Variants in OPCML observed in about 807,000 individuals in gnomAD.
The protein encoded by OPCML is opioid-binding protein/cell adhesion molecule.
A neutral mutation model predicts 37.8 loss-of-function variants in OPCML; 13 were observed. The ratio of observed to expected loss-of-function variants is 0.34; its 90% CI spans 0.22 to 0.55. OPCML has a LOEUF of 0.55. Among genes scored for constraint, OPCML ranks in the 20% least tolerant of loss-of-function variants. The pLI, the probability that OPCML is intolerant of heterozygous loss-of-function variation, is 0.91. For synonymous variants in OPCML, 176 were observed against 168.8 expected (o/e 1.04, Z -0.33); for missense variants, 341 against 435.6 (o/e 0.78, Z 1.93).
At chr11:133,037,097 C>T (rs952850942) in intron 1 of OPCML, among the ~76,000 whole-genome samples, 1 of 152,066 alleles carries the variant, frequency 6.6e-6, no homozygotes, top group Non-Finnish European at 1.5e-5. Flanking sequence ...TATCCAGTCC[C>T]CTAGAAGAGG....
chr11:133,371,573 T>A (rs540568463), intron 1 of OPCML, among the ~76,000 whole-genome samples: 1 of 152,280 alleles, frequency 6.6e-6, no homozygotes, highest in Middle Eastern at 3.4e-3. Flanking sequence ...GATGGTTTCA[T>A]AAGTGGTAGT....
intron 2 of OPCML, among the ~76,000 whole-genome samples, chr11:132,734,794 G>A (rs559188432): frequency 1.3e-5 from 2 of 152,320 alleles, no homozygotes; most frequent in African/African-American, 4.8e-5. Flanking sequence ...AAGGCTACAG[G>A]ATATTGATGA....
chr11:133,008,475 C>T, intron 1 of OPCML: 26 of 951,226 alleles, frequency 2.7e-5, no homozygotes, highest in East Asian at 1.2e-4. Flanking sequence ...CCCAGATTCC[C>T]TTTGGGAGAG....
chr11:132,633,620 C>T (rs1160265727), intron 3 of OPCML, among the ~76,000 whole-genome samples: 1 of 152,040 alleles, frequency 6.6e-6, no homozygotes, highest in Non-Finnish European at 1.5e-5. Context: ...GTTGGAAGGT[C>T]AGTTTCTAAG....
In OPCML at chr11:132,415,619, G is replaced by A. The variant is rs1261331482; in HGVS notation, c.*4574C>T. The A allele has an allele frequency of 6.6e-6, 1 of 152,076 alleles. No individual in the cohort carries two copies. Among genetic ancestry groups the A allele is most frequent in the African/African-American group, 2.4e-5 (1 of 41,428 alleles). 9.4% of individuals were successfully genotyped at this position (152,076 alleles called of 1,614,324 possible). On this transcript the variant is annotated 3_prime_UTR_variant, in exon 8 of 8. Transcript: ENST00000524381. Reference sequence around the variant, plus strand: ...TCTGTGCCTTAAAGAGGGCACCATGGAAAGAAACAAAAAGGAATCTCTTTC... The same window carrying A: ...TCTGTGCCTTAAAGAGGGCACCATGAAAAGAAACAAAAAGGAATCTCTTTC...
intron 2 of OPCML, among the ~76,000 whole-genome samples, chr11:132,769,243 G>GTT (rs547838851): frequency 6.9e-6 from 1 of 144,782 alleles, no homozygotes; most frequent in Non-Finnish European, 1.5e-5. Context: ...TTTGTTTGTT[G>GTT]TTTTTTTTTT....
intron 1 of OPCML, among the ~76,000 whole-genome samples, chr11:133,016,215 C>G (rs1458951073): frequency 2.0e-5 from 3 of 152,212 alleles, no homozygotes; most frequent in Non-Finnish European, 4.4e-5. Flanking sequence ...GCTAGGTTCT[C>G]TGTTTTGGGC....
At chr11:133,297,628 C>G (rs1273277436) in intron 1 of OPCML, 1 of 152,200 alleles carries the variant, frequency 6.6e-6, no homozygotes, top group East Asian at 1.9e-4. Context: ...GAACTGTCAT[C>G]ACAGATTACA....
chr11:133,376,087 G>A (rs903967641), intron 1 of OPCML, among the ~76,000 whole-genome samples: 10 of 140,844 alleles, frequency 7.1e-5, no homozygotes, highest in South Asian at 6.4e-4. Flanking sequence ...TTTAAGCTTG[G>A]CTATTAAAGA....
chr11:133,172,151 T>C (rs556867951), intron 1 of OPCML, among the ~76,000 whole-genome samples: 2 of 152,294 alleles, frequency 1.3e-5, no homozygotes, highest in Non-Finnish European at 2.9e-5. Flanking sequence ...ACTTTGAAGA[T>C]AGACTCATTC....
intron 4 of OPCML, among the ~76,000 whole-genome samples, chr11:132,454,047 G>A (rs1041817380): frequency 6.6e-6 from 1 of 152,292 alleles, no homozygotes; most frequent in East Asian, 1.9e-4. Context: ...TATATGATTA[G>A]CAAGGGAAGA....
At chr11:132,695,968 C>A (rs1338195846) in intron 2 of OPCML, among the ~76,000 whole-genome samples, 2 of 152,120 alleles carry the variant, frequency 1.3e-5, no homozygotes, top group Non-Finnish European at 2.9e-5. Flanking sequence ...GTGGGGCCAA[C>A]AACAGAGGAT....
At chr11:133,159,716 ATGGAATGGCTCCACCATTG>A (rs1164024638) in intron 1 of OPCML, among the ~76,000 whole-genome samples, 2 of 152,238 alleles carry the variant, frequency 1.3e-5, no homozygotes, top group Admixed American at 1.3e-4. Flanking sequence ...CCCTTGGAAT[ATGGAATGGCTCCACCATTG>A]TGGAATGTCT....
At chr11:132,742,305 G>A (rs983063764) in intron 2 of OPCML, among the ~76,000 whole-genome samples, 6 of 152,170 alleles carry the variant, frequency 3.9e-5, no homozygotes, top group Non-Finnish European at 8.8e-5. Flanking sequence ...TTAGGAAGTG[G>A]GGCTTTTGAG....
chr11:132,770,985 G>T, intron 2 of OPCML, among the ~76,000 whole-genome samples: 1 of 152,254 alleles, frequency 6.6e-6, no homozygotes, highest in Non-Finnish European at 1.5e-5. Context: ...AGCCCTCACT[G>T]TAGCTGGCTT....
intron 4 of OPCML, among the ~76,000 whole-genome samples, chr11:132,479,798 A>G (rs1031082735): frequency 6.6e-6 from 1 of 152,140 alleles, no homozygotes; most frequent in African/African-American, 2.4e-5. Context: ...ACTCCAACAG[A>G]CCTGCAGCTG....
rs565406828 is a variant in OPCML, at chr11:132,972,666, C to G, written c.62-29656G>C. ...GTCTCTTTCCTCCATTTCCCTCTAC[C>G]CTCTTTCAGACTATTGCCACAGTAG... On this transcript the variant is annotated intron_variant, in intron 1 of 7. Transcript: ENST00000524381. Among the ~76,000 whole-genome samples the G allele has an allele frequency of 1.1e-4, 17 of 152,260 alleles. 1 individual carries two copies. The East Asian group carries it at 2.9e-3, about 26-fold the overall frequency.
intron 4 of OPCML, among the ~76,000 whole-genome samples, chr11:132,442,880 C>T (rs905594043): frequency 1.3e-5 from 2 of 152,150 alleles, no homozygotes; most frequent in African/African-American, 4.8e-5. Flanking sequence ...TTTATAAATT[C>T]CCCAGTCTCG....
chr11:132,987,310 G>A (rs987273013), intron 1 of OPCML, among the ~76,000 whole-genome samples: 2 of 152,148 alleles, frequency 1.3e-5, no homozygotes, highest in Non-Finnish European at 2.9e-5. Context: ...CCAACCTGAG[G>A]AGCCAGGCAA....
Sources: allele counts gnomAD v4.1 joint callset (sites outside exome capture counted in the v4.1 genomes callset), GRCh38; gene constraint gnomAD v4.1.1; transcripts MANE v1.5; gene names NCBI Gene and HGNC (gene_info 2026-07-23, HGNC 2026-07-21).